PCSK6: variants seen among roughly 807,000 people sequenced by gnomAD.
PCSK6 encodes proprotein convertase subtilisin/kexin type 6.
A neutral mutation model predicts 123.3 loss-of-function variants in PCSK6; 85 were observed. That is an observed-to-expected ratio of 0.69 (90% CI 0.58 to 0.83). The LOEUF is 0.83. PCSK6 is among the 40% of genes least tolerant of loss of function. The probability of loss-of-function intolerance (pLI) is 0.00; values close to 1 mark genes in which losing one functional copy is unlikely to be tolerated. For synonymous variants in PCSK6, 508 were observed against 516.0 expected (o/e 0.98, Z 0.21); for missense variants, 1,191 against 1,282.3 (o/e 0.93, Z 1.09).
intron 1 of PCSK6, among the ~76,000 whole-genome samples, chr15:101,487,693 G>C (rs1299505527): frequency 2.0e-5 from 3 of 152,140 alleles, no homozygotes; most frequent in Non-Finnish European, 2.9e-5. Context: ...ACAAATTGCT[G>C]GGCCACCTGG....
Position 101,382,184 on chromosome 15 carries a change from C to T in PCSK6, c.1440G>A (p.Leu480=). The T allele has an allele frequency of 6.2e-7, 1 of 1,612,366 alleles. No homozygotes were observed. The highest frequency in any genetic ancestry group is 8.5e-7 in the Non-Finnish European group (1 of 1,179,310). Residue 480 remains leucine (L), a synonymous_variant, in exon 11 of 22, where the codon TTG becomes TTA. Transcript: ENST00000611716. Reference sequence around the variant, plus strand: ...CCACAACGAGAGCTTCTGCGTCCACCAAACCAAATCCATAGAAATGGCTAA... The same window carrying T: ...CCACAACGAGAGCTTCTGCGTCCACTAAACCAAATCCATAGAAATGGCTAA... ...HKVSHFYGFG[L]VDAEALVVEA... is the part of the protein sequence containing the mutation.
At chr15:101,476,562 T>TAA (rs72127421) in intron 1 of PCSK6, among the ~76,000 whole-genome samples, 2 of 142,250 alleles carry the variant, frequency 1.4e-5, no homozygotes, top group Non-Finnish European at 1.5e-5. Flanking sequence ...CCATTTATAT[T>TAA]AAAAAAAAAA....
rs2039712317 is a variant in PCSK6, at chr15:101,305,889, G to A, written c.2813-534C>T. Among the ~76,000 whole-genome samples the A allele has an allele frequency of 6.6e-6, 1 of 152,102 alleles. No homozygotes were observed. Among genetic ancestry groups the A allele is most frequent in the Non-Finnish European group, 1.5e-5 (1 of 68,008 alleles). ...AGCCCTGTGTGGCGGGAGGGCACTG[G>A]TATATGGGGCTCTTGCTGAGTCTCA... On this transcript the variant is annotated intron_variant, in intron 21 of 21. Transcript: ENST00000611716. This position sits in a 1 kb window ranked among gnomAD's most constrained non-coding sequence, Gnocchi z 4.8.
intron 20 of PCSK6, 191 bp downstream of exon 20, chr15:101,313,185 C>T (rs1451459855): frequency 6.6e-7 from 1 of 1,516,644 alleles, no homozygotes. Context: ...ACAGCAGGGA[C>T]CCAACAAATA....
chr15:101,400,800 T>C (rs574522742), intron 6 of PCSK6, among the ~76,000 whole-genome samples: 6 of 152,382 alleles, frequency 3.9e-5, no homozygotes, highest in African/African-American at 1.4e-4. Context: ...ACTTCTTCAC[T>C]TGCCAGGGTA....
chr15:101,427,181 A>G (rs2056285996), intron 6 of PCSK6, among the ~76,000 whole-genome samples: 1 of 152,180 alleles, frequency 6.6e-6, no homozygotes, highest in African/African-American at 2.4e-5. Flanking sequence ...GTGAGAAGCT[A>G]AATGGCAAGA....
At chr15:101,320,921 G>T (rs1011289022) in intron 18 of PCSK6, among the ~76,000 whole-genome samples, 2 of 152,212 alleles carry the variant, frequency 1.3e-5, no homozygotes, top group Non-Finnish European at 2.9e-5. Flanking sequence ...CTACCGACAG[G>T]AGGCGTTTTC....
intron 19 of PCSK6, 75 bp downstream of exon 19, chr15:101,318,244 G>A: frequency 9.2e-7 from 1 of 1,088,908 alleles, no homozygotes; most frequent in Non-Finnish European, 1.4e-6. Flanking sequence ...AAGTCCTAGG[G>A]CTTTCTCGGG....
At chr15:101,399,431 T>C (rs1422416085) in intron 6 of PCSK6, among the ~76,000 whole-genome samples, 7 of 152,306 alleles carry the variant, frequency 4.6e-5, no homozygotes, top group Non-Finnish European at 8.8e-5. Context: ...GTTTGGGTTC[T>C]ATGTTCCCTG....
Position 101,460,869 on chromosome 15 carries a change from G to A in PCSK6, c.298-17209C>T, listed in dbSNP as rs2057325933. 2.0e-5 allele frequency among the ~76,000 whole-genome samples: 3 copies of A among 152,110 alleles called. 1 individual carries two copies. Among genetic ancestry groups the A allele is most frequent in the South Asian group, 2.1e-4 (1 of 4,818 alleles). ...GGAATGATAATGAAAATACTATTTA[G>A]GACAACTCATGGGAACTGTGGACAT... On this transcript the variant is annotated intron_variant, in intron 1 of 21. Coordinates refer to ENST00000611716, the MANE Select transcript of PCSK6 (RefSeq NM_002570.5).
At chr15:101,368,337 C>T (rs183040660) in intron 12 of PCSK6, among the ~76,000 whole-genome samples, 4 of 152,276 alleles carry the variant, frequency 2.6e-5, no homozygotes, top group East Asian at 1.9e-4. Flanking sequence ...GGTAGCCGGA[C>T]GTAAGCAGGA....
intron 13 of PCSK6, among the ~76,000 whole-genome samples, chr15:101,342,823 A>C (rs1397716226): frequency 6.6e-6 from 1 of 152,034 alleles, no homozygotes; most frequent in Non-Finnish European, 1.5e-5. Flanking sequence ...AATCGTTTGA[A>C]TCTGGGAGGC....
intron 6 of PCSK6, among the ~76,000 whole-genome samples, chr15:101,409,217 G>A (rs1487491679): frequency 6.6e-6 from 1 of 152,038 alleles, no homozygotes; most frequent in African/African-American, 2.4e-5. Flanking sequence ...CAGCACTTTG[G>A]GCGGCCGAGG....
chr15:101,470,961 A>C (rs2057589263), intron 1 of PCSK6, among the ~76,000 whole-genome samples: 1 of 152,206 alleles, frequency 6.6e-6, no homozygotes, highest in Non-Finnish European at 1.5e-5. Flanking sequence ...CGAGAAGATA[A>C]TTAGCAGGCA....
chr15:101,375,863 C>T (rs1414919575), intron 11 of PCSK6, among the ~76,000 whole-genome samples: 6 of 151,972 alleles, frequency 3.9e-5, no homozygotes, highest in Non-Finnish European at 7.4e-5. Context: ...GGTGAAAGCC[C>T]GTCTCTACTA....
At chr15:101,461,535 A>C (rs1161157964) in intron 1 of PCSK6, among the ~76,000 whole-genome samples, 3 of 152,218 alleles carry the variant, frequency 2.0e-5, no homozygotes, top group Non-Finnish European at 4.4e-5. Flanking sequence ...AGACAAGAAC[A>C]GTATAAGAAA....
chr15:101,347,064 G>T, intron 13 of PCSK6: 2 of 1,231,716 alleles, frequency 1.6e-6, no homozygotes, highest in South Asian at 8.2e-5. Flanking sequence ...GTGACTGTTT[G>T]GAGAGTGTGC....
intron 6 of PCSK6, among the ~76,000 whole-genome samples, chr15:101,411,105 C>T (rs1057245328): frequency 2.0e-5 from 3 of 152,182 alleles, no homozygotes; most frequent in Admixed American, 6.5e-5. Context: ...TCAGCACAGA[C>T]GAGCTGTCTT....
chr15:101,475,308 C>T (rs1447337045), intron 1 of PCSK6, among the ~76,000 whole-genome samples: 1 of 152,200 alleles, frequency 6.6e-6, no homozygotes, highest in Non-Finnish European at 1.5e-5. Context: ...AGCCAACAAA[C>T]ACTCTGAACA....
Sources: allele counts gnomAD v4.1 joint callset (sites outside exome capture counted in the v4.1 genomes callset), GRCh38; gene constraint gnomAD v4.1.1; non-coding constraint Gnocchi (gnomAD v3.1); transcripts MANE v1.5; gene names NCBI Gene and HGNC (gene_info 2026-07-23, HGNC 2026-07-21).